FGF18: variants seen among roughly 807,000 people sequenced by gnomAD.
FGF18 encodes the protein fibroblast growth factor 18.
In FGF18, 5 loss-of-function variants were observed where a neutral mutation model predicts 23.0. The ratio of observed to expected loss-of-function variants is 0.22; its 90% CI spans 0.11 to 0.46. The LOEUF (loss-of-function observed/expected upper bound fraction) is 0.46, where lower values mean the gene tolerates loss of function less well. Among genes scored for constraint, FGF18 ranks in the 20% least tolerant of loss-of-function variants. FGF18 has a pLI of 0.99. For synonymous variants in FGF18, 117 were observed against 118.9 expected (o/e 0.98, Z 0.10); for missense variants, 180 against 291.6 (o/e 0.62, Z 2.79).
At chr5:171,447,614 TTAG>T (rs1208158538) in intron 3 of FGF18, among the ~76,000 whole-genome samples, 1 of 152,226 alleles carries the variant, frequency 6.6e-6, no homozygotes, top group African/African-American at 2.4e-5. Flanking sequence ...CGTATTTTAA[TTAG>T]TAGTGGTGTC....
In FGF18 at chr5:171,440,510, G is replaced by A. The variant is rs902019580; in HGVS notation, c.250+4237G>A. On this transcript the variant is annotated intron_variant, in intron 3 of 4. Coordinates refer to ENST00000274625, the MANE Select transcript of FGF18 (RefSeq NM_003862.3). This position sits in a 1 kb window ranked among gnomAD's most constrained non-coding sequence, Gnocchi z 4.0. Reference sequence around the variant, plus strand: ...ACCAAGCCCAAGCACCAGGGGAGGGGGCTACTGTGGTGAGTGACATGCCTC... The same window carrying A: ...ACCAAGCCCAAGCACCAGGGGAGGGAGCTACTGTGGTGAGTGACATGCCTC... 2.0e-5 allele frequency among the ~76,000 whole-genome samples: 3 copies of A among 152,082 alleles called. No homozygotes were observed. The highest frequency in any genetic ancestry group is 2.9e-5 in the Non-Finnish European group (2 of 68,006).
chr5:171,436,723 G>C lies in FGF18; in HGVS notation c.250+450G>C, dbSNP rs931137486. ...GTGTGCATATGGGTGCTTTGAGCTT[G>C]AGCCTGTGCACCTGTGATATGTGGC... On this transcript the variant is annotated intron_variant, in intron 3 of 4. Transcript: ENST00000274625. This position sits in a 1 kb window ranked among gnomAD's most constrained non-coding sequence, Gnocchi z 4.4. Among the ~76,000 whole-genome samples, 2 of 152,210 alleles carry C rather than the reference G, an allele frequency of 1.3e-5. No individual in the cohort carries two copies. Among genetic ancestry groups the C allele is most frequent in the Admixed American group, 6.5e-5 (1 of 15,284 alleles).
chr5:171,433,887 A>G (rs966210860), intron 2 of FGF18, among the ~76,000 whole-genome samples: 1 of 152,218 alleles, frequency 6.6e-6, no homozygotes, highest in African/African-American at 2.4e-5. Context: ...CTTGTGTTCT[A>G]TCACTAGTTA....
At chr5:171,420,316 C>G in intron 1 of FGF18, 85 bp downstream of exon 1, 2 of 1,606,208 alleles carry the variant, frequency 1.2e-6, no homozygotes, top group Admixed American at 1.7e-5. Flanking sequence ...GCCCGCCCGT[C>G]GGTTCACCTG....
chr5:171,420,524 T>C, intron 2 of FGF18, 81 bp downstream of exon 2: 1 of 1,354,878 alleles, frequency 7.4e-7, no homozygotes. Flanking sequence ...CCGCGCCCCC[T>C]CCCTGTGCCC....
intron 4 of FGF18, among the ~76,000 whole-genome samples, chr5:171,452,636 T>G (rs1772533205): frequency 6.6e-6 from 1 of 152,068 alleles, no homozygotes; most frequent in Admixed American, 6.6e-5. Flanking sequence ...GTGCTAGGCA[T>G]TTTTTTCCCC....
rs1277760041 is a variant in FGF18 at position 171,436,997 on chromosome 5, C to T, written c.250+724C>T. ...AGACAGACACTGAGCAAATACCACGCAGATTATTTATTTAAAATTGCCAGG... is the reference window on the plus strand; with the variant it reads ...AGACAGACACTGAGCAAATACCACGTAGATTATTTATTTAAAATTGCCAGG... On this transcript the variant is annotated intron_variant, in intron 3 of 4. Transcript: ENST00000274625. The surrounding 1 kb of genome is among the most constrained non-coding windows in gnomAD (Gnocchi z 4.4). Among the ~76,000 whole-genome samples the T allele has an allele frequency of 2.0e-5, 3 of 152,230 alleles. No individual in the cohort carries two copies. The highest frequency in any genetic ancestry group is 7.2e-5 in the African/African-American group (3 of 41,464).
chr5:171,435,452 G>A (rs988807175), intron 2 of FGF18, among the ~76,000 whole-genome samples: 2 of 152,218 alleles, frequency 1.3e-5, no homozygotes, highest in African/African-American at 2.4e-5. Context: ...TGAAGTTTTG[G>A]TGGCAGATGC....
At chr5:171,447,532 T>C (rs529444786) in intron 3 of FGF18, among the ~76,000 whole-genome samples, 2 of 152,172 alleles carry the variant, frequency 1.3e-5, no homozygotes, top group South Asian at 4.1e-4. Context: ...GTTTCTAGAG[T>C]TACTAAATTC....
rs952244785 is a variant in FGF18, at chr5:171,420,095, AGCGGCGGCGGCG to A, written c.-88_-77del. The A allele has an allele frequency of 7.8e-6, 7 of 895,724 alleles. No individual in the cohort carries two copies. Among genetic ancestry groups the A allele is most frequent in the Non-Finnish European group, 8.9e-6 (6 of 674,884 alleles). The allele number at this position is 895,724 out of a possible 1,614,324, so 55.5% of individuals were successfully genotyped here. A position where few individuals can be genotyped will look rare whatever the true frequency, so the allele number is the denominator to read the frequency against. On this transcript the variant is annotated 5_prime_UTR_variant, in exon 1 of 5. Coordinates refer to ENST00000274625, the MANE Select transcript of FGF18 (RefSeq NM_003862.3). ...CAGCCGGCGAGGAGGGAGCAGCAGC[AGCGGCGGCGGCG>A]GCGGCGGCGGCGGCGGAGGCGCCCG...
At chr5:171,432,609 A>G (rs1046533557) in intron 2 of FGF18, among the ~76,000 whole-genome samples, 2 of 152,022 alleles carry the variant, frequency 1.3e-5, no homozygotes, top group African/African-American at 2.4e-5. Context: ...GGGTTTCAGT[A>G]TGTTAAGATG....
At chr5:171,443,041 C>G (rs1289094286) in intron 3 of FGF18, among the ~76,000 whole-genome samples, 2 of 152,244 alleles carry the variant, frequency 1.3e-5, no homozygotes, top group Non-Finnish European at 2.9e-5. Flanking sequence ...TATTAACTTA[C>G]ACTGATTCAG....
At chr5:171,449,400 T>TGTGTGTGTGTGAGA (rs1458322429) in intron 4 of FGF18, 147 bp downstream of exon 4, 36 of 363,270 alleles carry the variant, frequency 9.9e-5, no homozygotes, top group Middle Eastern at 9.1e-4. Flanking sequence ...TGTGTGTGTG[T>TGTGTGTGTGTGAGA]GAGAGAGAGA....
At chr5:171,426,877 A>G (rs746459375) in intron 2 of FGF18, among the ~76,000 whole-genome samples, 7 of 152,176 alleles carry the variant, frequency 4.6e-5, no homozygotes, top group Non-Finnish European at 8.8e-5. Context: ...AATTTTCTGC[A>G]CCTCAGTTTC....
rs545107584 is a variant in FGF18, at chr5:171,423,410, G to A, written c.69+2967G>A. Among the ~76,000 whole-genome samples the A allele has an allele frequency of 1.2e-3, 185 of 152,342 alleles. 1 individual carries two copies. Among genetic ancestry groups the A allele is most frequent in the African/African-American group, 4.1e-3 (169 of 41,584 alleles). On this transcript the variant is annotated intron_variant, in intron 2 of 4. Transcript: ENST00000274625. Reference sequence around the variant, plus strand: ...GACACCGGGCTGGGCCTTTCACGCAGCTCGGCCGGCACCTGCCTGACATTG... The same window carrying A: ...GACACCGGGCTGGGCCTTTCACGCAACTCGGCCGGCACCTGCCTGACATTG...
rs914558114 is a variant in FGF18 at position 171,420,447 on chromosome 5, C to A, written c.69+4C>A. 2.5e-6 allele frequency: 4 copies of A among 1,613,298 alleles called. No individual in the cohort carries two copies. The highest frequency in any genetic ancestry group is 3.4e-6 in the Non-Finnish European group (4 of 1,179,672). On this transcript the variant is annotated splice_donor_region_variant and intron_variant, in intron 2 of 4. Transcript: ENST00000274625. The stretch of plus-strand genomic sequence containing the variant: ...GCTGCTGTGCTTCCAGGTACAGGTA[C>A]GTGGGCTCCTGACTTTGACCTCCTC...
Position 171,446,686 on chromosome 5 carries a change from C to T in FGF18, c.251-2461C>T, listed in dbSNP as rs146424694. 8.4e-3 allele frequency among the ~76,000 whole-genome samples: 1,278 copies of T among 152,202 alleles called. 12 individuals are homozygous for T. Among genetic ancestry groups the T allele is most frequent in the Non-Finnish European group, 0.013 (897 of 67,988 alleles). ...TCCCATCCCTGCCCCTCTGCTAGAC[C>T]CCACTTCCTAATCCCAAGGAGAAGG... On this transcript the variant is annotated intron_variant, in intron 3 of 4. Coordinates refer to ENST00000274625, the MANE Select transcript of FGF18 (RefSeq NM_003862.3).
chr5:171,421,011 G>A (rs1581267850), intron 2 of FGF18, among the ~76,000 whole-genome samples: 1 of 152,358 alleles, frequency 6.6e-6, no homozygotes, highest in Admixed American at 6.5e-5. Flanking sequence ...GCCGCTCCCG[G>A]ATGGGCCGCG....
intron 2 of FGF18, among the ~76,000 whole-genome samples, chr5:171,425,715 A>C (rs1010722536): frequency 6.6e-6 from 1 of 151,420 alleles, no homozygotes; most frequent in Non-Finnish European, 1.5e-5. Flanking sequence ...TATTTTTAGT[A>C]GAGATGGGGT....
Sources: gnomAD v4.1 joint callset for allele counts (sites outside exome capture counted in the v4.1 genomes callset) on GRCh38, gnomAD v4.1.1 for gene constraint, Gnocchi (gnomAD v3.1) non-coding constraint, MANE v1.5 for transcripts, NCBI Gene and HGNC (gene_info 2026-07-23, HGNC 2026-07-21) for gene names.